GAREM1: variants seen among roughly 807,000 people sequenced by gnomAD.
The protein encoded by GAREM1 is GRB2 associated regulator of MAPK1 subtype 1, also known as GRB2-associated and regulator of MAPK protein 1.
GAREM1 carries 26 observed loss-of-function variants against 71.3 expected under a neutral mutation model. The observed-to-expected ratio is 0.36, with a 90% confidence interval of 0.27 to 0.51. The LOEUF (loss-of-function observed/expected upper bound fraction) is 0.51. GAREM1 is among the 20% of genes least tolerant of loss of function. The pLI is 0.95. For synonymous variants in GAREM1, 440 were observed against 433.2 expected (o/e 1.02, Z -0.20); for missense variants, 1,026 against 1,103.1 (o/e 0.93, Z 0.99).
At chr18:32,362,840 T>C (rs2047879102) in intron 2 of GAREM1, among the ~76,000 whole-genome samples, 1 of 152,248 alleles carries the variant, frequency 6.6e-6, no homozygotes, top group Admixed American at 6.5e-5. Flanking sequence ...CCACTAATTA[T>C]GTGCTTACTC....
In GAREM1 at chr18:32,470,481, C is replaced by T. The variant is rs1198910489; in HGVS notation, c.-53G>A. On this transcript the variant is annotated 5_prime_UTR_variant, in exon 1 of 6. Coordinates refer to ENST00000269209, the MANE Select transcript of GAREM1 (RefSeq NM_001242409.2). This position sits in a 1 kb window ranked among gnomAD's most constrained non-coding sequence, Gnocchi z 4.4. ...CCCCCGCCGCCGCCACCGGCACCAC[C>T]CGCGCCTCGGCGGCCGCCGCTGCTC... is the stretch of plus-strand genomic sequence containing the variant. The T allele has an allele frequency of 3.0e-5, 36 of 1,211,450 alleles. No individual in the cohort carries two copies. The highest frequency in any genetic ancestry group is 4.1e-6 in the Non-Finnish European group (4 of 966,086). 75.0% of individuals were successfully genotyped at this position (1,211,450 alleles called of 1,614,324 possible).
chr18:32,268,725 C>T lies in GAREM1; in HGVS notation c.1777G>A (p.Val593Ile), dbSNP rs142707286. ...TDTNPSESTP[V>I]SCYPCNRVKT... Reference sequence around the variant, plus strand: ...ACTCGGTTACATGGATAGCAGGAAACAGGAGTGCTTTCAGAAGGATTTGTG... The same window carrying T: ...ACTCGGTTACATGGATAGCAGGAAATAGGAGTGCTTTCAGAAGGATTTGTG... Residue 593 changes from valine (V) to isoleucine (I), a missense_variant, in exon 6 of 6, where the codon GTT (valine) becomes ATT (isoleucine). Val to Ile is a conservative substitution (Grantham distance 29). Coordinates refer to ENST00000269209, the MANE Select transcript of GAREM1 (RefSeq NM_001242409.2). 7.2e-5 allele frequency: 117 copies of T among 1,613,994 alleles called. No homozygotes were observed. The highest frequency in any genetic ancestry group is 9.5e-5 in the Non-Finnish European group (112 of 1,180,004).
At chr18:32,440,421 T>C (rs2048723815) in intron 1 of GAREM1, among the ~76,000 whole-genome samples, 1 of 152,174 alleles carries the variant, frequency 6.6e-6, no homozygotes, top group Non-Finnish European at 1.5e-5. Context: ...CTGCTTAATA[T>C]TGTAATTAGT....
At chr18:32,380,150 A>G (rs774558190) in intron 2 of GAREM1, among the ~76,000 whole-genome samples, 2 of 152,166 alleles carry the variant, frequency 1.3e-5, no homozygotes, top group African/African-American at 4.8e-5. Context: ...ACATTTTTCT[A>G]TAAGTCTGAG....
intron 1 of GAREM1, among the ~76,000 whole-genome samples, chr18:32,414,450 T>TA (rs541664782): frequency 1.2e-4 from 18 of 149,528 alleles, no homozygotes; most frequent in African/African-American, 3.7e-4. Context: ...TGTGGTTACA[T>TA]AAAAAAAAAG....
intron 2 of GAREM1, among the ~76,000 whole-genome samples, chr18:32,370,154 C>T (rs572182568): frequency 1.3e-5 from 2 of 152,076 alleles, no homozygotes; most frequent in South Asian, 2.1e-4. Context: ...TAAGGTGGGC[C>T]GGGTGCGGTG....
chr18:32,297,310 G>A (rs1350261434), intron 3 of GAREM1, among the ~76,000 whole-genome samples: 3 of 152,134 alleles, frequency 2.0e-5, no homozygotes, highest in African/African-American at 7.2e-5. Flanking sequence ...CAGACAAAAT[G>A]CTTTTAGTTT....
At chr18:32,357,852 ATAACT>A (rs1432373112) in intron 2 of GAREM1, among the ~76,000 whole-genome samples, 7 of 152,232 alleles carry the variant, frequency 4.6e-5, no homozygotes, top group Admixed American at 1.3e-4. Context: ...ATAACTATAA[ATAACT>A]TAAGAAAAAC....
chr18:32,294,910 C>G (rs535357590), intron 3 of GAREM1, among the ~76,000 whole-genome samples: 4 of 151,988 alleles, frequency 2.6e-5, no homozygotes, highest in Non-Finnish European at 5.9e-5. Context: ...TATAAAAATA[C>G]GATAAATTTG....
intron 2 of GAREM1, among the ~76,000 whole-genome samples, chr18:32,384,060 A>AT (rs978369618): frequency 1.3e-5 from 2 of 152,146 alleles, no homozygotes; most frequent in South Asian, 4.1e-4. Flanking sequence ...TAAGAAAATA[A>AT]TTTTTTTAAA....
intron 2 of GAREM1, among the ~76,000 whole-genome samples, chr18:32,382,112 T>A (rs180765774): frequency 1.9e-4 from 29 of 152,278 alleles, no homozygotes; most frequent in Admixed American, 1.4e-3. Flanking sequence ...TAAAGAAGAA[T>A]CCATTTCAGT....
intron 2 of GAREM1, among the ~76,000 whole-genome samples, chr18:32,344,904 A>G (rs1051047081): frequency 6.6e-6 from 1 of 152,144 alleles, no homozygotes; most frequent in Non-Finnish European, 1.5e-5. Context: ...TACTAAAAAT[A>G]CAAAAAAATT....
intron 3 of GAREM1, among the ~76,000 whole-genome samples, chr18:32,303,148 A>C (rs1324265349): frequency 6.6e-6 from 1 of 152,242 alleles, no homozygotes; most frequent in East Asian, 1.9e-4. Context: ...CTCTGAGGAA[A>C]TCTATGCTGG....
intron 2 of GAREM1, among the ~76,000 whole-genome samples, chr18:32,335,409 G>T (rs1055648770): frequency 6.6e-6 from 1 of 152,180 alleles, no homozygotes; most frequent in Non-Finnish European, 1.5e-5. Flanking sequence ...TCTCGTTAAA[G>T]GACACAGCTT....
chr18:32,311,205 A>AAAG (rs1197867111), intron 2 of GAREM1, among the ~76,000 whole-genome samples: 1 of 152,208 alleles, frequency 6.6e-6, no homozygotes, highest in African/African-American at 2.4e-5. Context: ...GACCATATGC[A>AAAG]ATCATATCAG....
At chr18:32,381,953 A>G (rs1354581993) in intron 2 of GAREM1, among the ~76,000 whole-genome samples, 4 of 152,132 alleles carry the variant, frequency 2.6e-5, no homozygotes, top group Admixed American at 6.5e-5. Flanking sequence ...CTACTCAACA[A>G]TTCCATGGCA....
rs189447856 is a variant in GAREM1 at position 32,344,557 on chromosome 18, T to C, written c.263-34234A>G. On this transcript the variant is annotated intron_variant, in intron 2 of 5. Transcript: ENST00000269209. ...AAGTAACTGCTCACTATGCTGAGTA[T>C]ATAGCAGTTTACTCTATCTAGAAAT... 1.7e-3 allele frequency among the ~76,000 whole-genome samples: 254 copies of C among 152,306 alleles called. 1 individual carries two copies. Among genetic ancestry groups the C allele is most frequent in the African/African-American group, 5.9e-3 (244 of 41,562 alleles).
At chr18:32,404,537 T>C (rs1453670306) in intron 1 of GAREM1, among the ~76,000 whole-genome samples, 2 of 152,166 alleles carry the variant, frequency 1.3e-5, no homozygotes, top group Admixed American at 6.5e-5. Flanking sequence ...TGTGCTAGTA[T>C]ATTAAGGTGT....
chr18:32,381,815 A>G (rs1309006168), intron 2 of GAREM1, among the ~76,000 whole-genome samples: 1 of 152,194 alleles, frequency 6.6e-6, no homozygotes, highest in African/African-American at 2.4e-5. Flanking sequence ...TTCATCTCCT[A>G]AATACTCCTT....
Sources: allele counts gnomAD v4.1 joint callset (sites outside exome capture counted in the v4.1 genomes callset), GRCh38; gene constraint gnomAD v4.1.1; non-coding constraint Gnocchi (gnomAD v3.1); transcripts MANE v1.5; gene names NCBI Gene and HGNC (gene_info 2026-07-23, HGNC 2026-07-21).